FLT3: variants seen among roughly 807,000 people sequenced by gnomAD.
The protein encoded by FLT3 is receptor-type tyrosine-protein kinase FLT3.
In FLT3, 46 loss-of-function variants were observed where a neutral mutation model predicts 126.6. That is an observed-to-expected ratio of 0.36 (90% CI 0.29 to 0.46). The LOEUF (loss-of-function observed/expected upper bound fraction) is 0.46. Among genes scored for constraint, FLT3 ranks in the 20% least tolerant of loss-of-function variants. The probability of loss-of-function intolerance (pLI) is 1.00; values close to 1 mark genes in which losing one functional copy is unlikely to be tolerated. For synonymous variants in FLT3, 404 were observed against 434.4 expected, an observed-to-expected ratio of 0.93 and a Z score of 0.87; for missense variants, 1,069 against 1,190.3, an observed-to-expected ratio of 0.90 and a Z score of 1.50.
intron 19 of FLT3, among the ~76,000 whole-genome samples, chr13:28,020,740 T>C (rs930736394): frequency 4.6e-5 from 7 of 152,146 alleles, no homozygotes; most frequent in African/African-American, 1.4e-4. Flanking sequence ...TAACTGACTC[T>C]GTATCTCCAG....
At position 28,003,573 on chromosome 13, in the gene FLT3, T is replaced by C. The variant is rs556238637; in HGVS notation, c.*479A>G. On this transcript the variant is annotated 3_prime_UTR_variant, in exon 24 of 24. Coordinates refer to ENST00000241453, the MANE Select transcript of FLT3 (RefSeq NM_004119.3). Reference sequence around the variant, plus strand: ...GGGGTTCGTGAACTCCAGTTAAGACTTGCCCTAATTATACCATGTAAATAA... The same window carrying C: ...GGGGTTCGTGAACTCCAGTTAAGACCTGCCCTAATTATACCATGTAAATAA... 11 of 240,218 alleles carry C rather than the reference T, an allele frequency of 4.6e-5. No homozygotes were observed. In the East Asian group the frequency reaches 5.8e-4, roughly 13 times the overall value. The allele number at this position is 240,218 out of a possible 1,614,324, so 14.9% of individuals were successfully genotyped here. A position where few individuals can be genotyped will look rare whatever the true frequency, so the allele number is the denominator to read the frequency against.
chr13:28,033,340 G>A (rs549109112), intron 15 of FLT3, among the ~76,000 whole-genome samples: 33 of 151,726 alleles, frequency 2.2e-4, no homozygotes, highest in African/African-American at 8.0e-4. Context: ...TCTGCCTGTG[G>A]CAACTGTATC....
At chr13:28,032,644 A>C (rs1184427003) in intron 15 of FLT3, among the ~76,000 whole-genome samples, 1 of 152,122 alleles carries the variant, frequency 6.6e-6, no homozygotes, top group Non-Finnish European at 1.5e-5. Flanking sequence ...TGGATGGAAG[A>C]AGATGAGCCC....
At chr13:28,060,771 A>AT (rs1244025414) in intron 3 of FLT3, among the ~76,000 whole-genome samples, 1 of 151,650 alleles carries the variant, frequency 6.6e-6, no homozygotes. Flanking sequence ...TGCCAGGCTA[A>AT]TTTTTTTATT....
At chr13:28,027,274 C>T (rs1175425294) in intron 16 of FLT3, 33 bp from the exon 17 acceptor site, 3 of 1,564,242 alleles carry the variant, frequency 1.9e-6, no homozygotes, top group Non-Finnish European at 2.6e-6. Context: ...TATAGGCATA[C>T]ACAAAGCAAA....
At chr13:28,090,020 C>T (rs887395398) in intron 1 of FLT3, among the ~76,000 whole-genome samples, 2 of 151,768 alleles carry the variant, frequency 1.3e-5, no homozygotes, top group African/African-American at 2.4e-5. Flanking sequence ...AGATTACAGA[C>T]GTGAGCTACT....
chr13:28,058,472 A>G (rs1371997192), intron 3 of FLT3, among the ~76,000 whole-genome samples: 2 of 152,146 alleles, frequency 1.3e-5, no homozygotes, highest in Admixed American at 6.5e-5. Context: ...AGATCATGCC[A>G]TTGCACTCCA....
At chr13:28,055,358 T>G (rs1439905241) in intron 4 of FLT3, among the ~76,000 whole-genome samples, 2 of 152,228 alleles carry the variant, frequency 1.3e-5, no homozygotes, top group African/African-American at 2.4e-5. Context: ...GCTCCTAATT[T>G]AAAGAATTCC....
intron 1 of FLT3, among the ~76,000 whole-genome samples, chr13:28,075,392 C>T (rs1173881908): frequency 6.6e-6 from 1 of 151,940 alleles, no homozygotes; most frequent in Non-Finnish European, 1.5e-5. Flanking sequence ...TCGTATGTAC[C>T]CCATAAATAT....
intron 1 of FLT3, among the ~76,000 whole-genome samples, chr13:28,097,391 T>C (rs192666720): frequency 6.6e-6 from 1 of 152,276 alleles, no homozygotes; most frequent in African/African-American, 2.4e-5. Flanking sequence ...TCTTCCTCCT[T>C]CCCATTTAAT....
intron 15 of FLT3, among the ~76,000 whole-genome samples, chr13:28,032,101 T>C (rs1328403137): frequency 6.6e-6 from 1 of 152,178 alleles, no homozygotes; most frequent in Non-Finnish European, 1.5e-5. Flanking sequence ...CACGGGTTTC[T>C]AGTGTGCCCA....
Position 28,091,383 on chromosome 13 carries a change from G to A in FLT3, c.43+9085C>T, listed in dbSNP as rs1052241352. On this transcript the variant is annotated intron_variant, in intron 1 of 23. Transcript: ENST00000241453. ...ACTACAGGCGCCCGCCACCACGCCCGGCTAATTTTTTGTATTTTTAGTAGA... is the reference window on the plus strand; with the variant it reads ...ACTACAGGCGCCCGCCACCACGCCCAGCTAATTTTTTGTATTTTTAGTAGA... Among the ~76,000 whole-genome samples, 13 of 149,104 alleles carry A rather than the reference G, an allele frequency of 8.7e-5. 1 individual carries two copies. The highest frequency in any genetic ancestry group is 4.0e-4 in the East Asian group (2 of 5,044).
In FLT3 at chr13:28,049,374, C is replaced by T. The variant is rs746118062; in HGVS notation, c.1036+10G>A. The stretch of plus-strand genomic sequence containing the variant: ...ATAGGAATAAAGATTGTGTGAGCAG[C>T]CTGCATTACCTACGATGGTAACCAA... On this transcript the variant is annotated intron_variant, in intron 8 of 23. Coordinates refer to ENST00000241453, the MANE Select transcript of FLT3 (RefSeq NM_004119.3). 2 of 1,609,456 alleles carry T rather than the reference C, an allele frequency of 1.2e-6. No homozygotes were observed. The highest frequency in any genetic ancestry group is 2.2e-5 in the South Asian group (2 of 90,164).
chr13:28,070,457 A>G (rs1443668776), intron 2 of FLT3, 34 bp downstream of exon 2: 1 of 1,584,716 alleles, frequency 6.3e-7, no homozygotes, highest in African/African-American at 1.3e-5. Context: ...TCTAGAGAAA[A>G]ACAGCTAAAG....
At chr13:28,060,763 C>T (rs1876484477) in intron 3 of FLT3, among the ~76,000 whole-genome samples, 1 of 151,840 alleles carries the variant, frequency 6.6e-6, no homozygotes, top group South Asian at 2.1e-4. Flanking sequence ...CACCACTATG[C>T]CAGGCTAATT....
In FLT3 at chr13:28,003,576, C is replaced by T. The variant is rs1048452456; in HGVS notation, c.*476G>A. The T allele has an allele frequency of 3.3e-5, 8 of 240,282 alleles. No homozygotes were observed. The highest frequency in any genetic ancestry group is 1.5e-4 in the African/African-American group (7 of 45,382). The allele number at this position is 240,282 out of a possible 1,614,324, so 14.9% of individuals were successfully genotyped here. A position where few individuals can be genotyped will look rare whatever the true frequency, so the allele number is the denominator to read the frequency against. ...GTTCGTGAACTCCAGTTAAGACTTG[C>T]CCTAATTATACCATGTAAATAATTC... On this transcript the variant is annotated 3_prime_UTR_variant, in exon 24 of 24. Transcript: ENST00000241453.
intron 15 of FLT3, among the ~76,000 whole-genome samples, chr13:28,029,633 A>G (rs1359182998): frequency 1.3e-5 from 2 of 152,190 alleles, no homozygotes; most frequent in Non-Finnish European, 2.9e-5. Context: ...TCAGAGAGAG[A>G]TAACAGTGTC....
chr13:28,038,342 C>T (rs1874028722), intron 9 of FLT3, among the ~76,000 whole-genome samples: 1 of 151,990 alleles, frequency 6.6e-6, no homozygotes, highest in Non-Finnish European at 1.5e-5. Flanking sequence ...CCTTCGTGCA[C>T]TCACAGTAAC....
rs751982273 is a variant in FLT3 at position 28,033,884 on chromosome 13, T to A, written c.1942+3A>T. 6.2e-7 allele frequency: 1 copy of A among 1,610,648 alleles called. No individual in the cohort carries two copies. Among genetic ancestry groups the A allele is most frequent in the Non-Finnish European group, 8.5e-7 (1 of 1,176,872 alleles). On this transcript the variant is annotated splice_donor_region_variant and intron_variant, in intron 15 of 23. Coordinates refer to ENST00000241453, the MANE Select transcript of FLT3 (RefSeq NM_004119.3). Reference sequence around the variant, plus strand: ...TTGTTGCTGTCCTTCCACTATACTGTACCTTTCAGCATTTTGACGGCAACC... The same window carrying A: ...TTGTTGCTGTCCTTCCACTATACTGAACCTTTCAGCATTTTGACGGCAACC...
Sources: allele counts gnomAD v4.1 joint callset (sites outside exome capture counted in the v4.1 genomes callset), GRCh38; gene constraint gnomAD v4.1.1; transcripts MANE v1.5; gene names NCBI Gene and HGNC (gene_info 2026-07-23, HGNC 2026-07-21).